The following SYNE1 variants were observed in gnomAD, a reference collection of about 807,000 sequenced individuals.
The protein encoded by SYNE1 is nesprin-1.
SYNE1 carries 616 observed loss-of-function variants against 1,111.0 expected under a neutral mutation model. The ratio of observed to expected loss-of-function variants is 0.55; its 90% CI spans 0.52 to 0.59. SYNE1 has a LOEUF of 0.59. Among genes scored for constraint, SYNE1 ranks in the 20% least tolerant of loss-of-function variants. SYNE1 has a pLI of 0.00. For synonymous variants in SYNE1, 3,855 were observed against 3,825.8 expected (o/e 1.01, Z -0.28); for missense variants, 10,006 against 10,417.0 (o/e 0.96, Z 1.72).
At position 152,354,868 on chromosome 6, in the gene SYNE1, C is replaced by T. The variant is rs2096806248; in HGVS notation, c.10717G>A (p.Glu3573Lys). The T allele has an allele frequency of 4.3e-6, 7 of 1,614,194 alleles. No individual in the cohort carries two copies. Among genetic ancestry groups the T allele is most frequent in the Non-Finnish European group, 5.1e-6 (6 of 1,180,046 alleles). ...GIPQAEDRAL[E>K]SLRQDWQAYQ... ...GCCTGCCAGTCTTGCCGGAGAGACT[C>T]TAAAGCCCGGTCCTCTGCCTGTGGG... Residue 3573 changes from glutamate (E) to lysine (K), a missense_variant, in exon 67 of 146, where the codon GAG becomes AAG. Around this residue, in one of 7 missense-constraint regions of SYNE1, gnomAD observed 4,955 missense variants for 5,017.2 expected, o/e 0.99. Transcript: ENST00000367255.
rs917031071 is a variant in SYNE1 at position 152,538,701 on chromosome 6, C to G, written c.129+1259G>C. On this transcript the variant is annotated intron_variant, in intron 4 of 145. Coordinates refer to ENST00000367255, the MANE Select transcript of SYNE1 (RefSeq NM_182961.4). ...ACAAATAGCTGCCAGATGGGACCAA[C>G]GGAAGCTTTAAAAAATAAGCCCCAA... 3.3e-5 allele frequency among the ~76,000 whole-genome samples: 5 copies of G among 151,574 alleles called. No individual in the cohort carries two copies. In the East Asian group the frequency reaches 7.8e-4, roughly 24 times the overall value.
intron 10 of SYNE1, 32 bp downstream of exon 10, chr6:152,502,601 A>G (rs1270781953): frequency 6.8e-7 from 1 of 1,479,018 alleles, no homozygotes; most frequent in African/African-American, 1.4e-5. Flanking sequence ...CATTGCATAT[A>G]CCAGTGATAC....
At chr6:152,237,428 T>C (rs573362798) in intron 108 of SYNE1, among the ~76,000 whole-genome samples, 1 of 149,758 alleles carries the variant, frequency 6.7e-6, no homozygotes, top group African/African-American at 2.5e-5. Flanking sequence ...TCCTGCTTCA[T>C]CCTCCCAAGT....
rs2059952054 is a variant in SYNE1, at chr6:152,148,869, A to G, written c.24643-491T>C. Among the ~76,000 whole-genome samples, 1 of 152,184 alleles carries G rather than the reference A, an allele frequency of 6.6e-6. No individual in the cohort carries two copies. The highest frequency in any genetic ancestry group is 1.5e-5 in the Non-Finnish European group (1 of 68,022). ...ACCTACACACTGGCAAGGATCGGAA[A>G]TAAGAGCAAATTACTAAGACCTTAG... is the stretch of plus-strand genomic sequence containing the variant. On this transcript the variant is annotated intron_variant, in intron 136 of 145. Coordinates refer to ENST00000367255, the MANE Select transcript of SYNE1 (RefSeq NM_182961.4). This position sits in a 1 kb window ranked among gnomAD's most constrained non-coding sequence, Gnocchi z 4.1.
chr6:152,339,048 C>G (rs1207234520), intron 75 of SYNE1, among the ~76,000 whole-genome samples, 193 bp downstream of exon 75: 2 of 152,160 alleles, frequency 1.3e-5, no homozygotes, highest in African/African-American at 4.8e-5. Flanking sequence ...AATCTGATGT[C>G]ATCAATGTCA....
In SYNE1 at chr6:152,353,091, G is replaced by A. The variant is rs144628762; in HGVS notation, c.11253+172C>T. On this transcript the variant is annotated intron_variant, in intron 69 of 145. Coordinates refer to ENST00000367255, the MANE Select transcript of SYNE1 (RefSeq NM_182961.4). ...AACAACACATCATCAATAAGTGAAA[G>A]CTAGCTTTTGGCCTTAAGGAGCCAA... Among the ~76,000 whole-genome samples the A allele has an allele frequency of 2.0e-3, 303 of 152,322 alleles. 2 individuals carry two copies. Among genetic ancestry groups the A allele is most frequent in the African/African-American group, 6.7e-3 (279 of 41,576 alleles).
At position 152,278,206 on chromosome 6, in the gene SYNE1, C is replaced by A; in HGVS notation, c.18456G>T (p.Leu6152=). ...ELSVHNENLL[L]EGKAHTKDEA... Reference sequence around the variant, plus strand: ...CGTCCTTGGTGTGAGCTTTGCCCTCCAGCAGCAGGTTCTCATTGTGGACTG... The same window carrying A: ...CGTCCTTGGTGTGAGCTTTGCCCTCAAGCAGCAGGTTCTCATTGTGGACTG... Residue 6152 remains leucine (L), a synonymous_variant, in exon 98 of 146, where the codon CTG becomes CTT. Coordinates refer to ENST00000367255, the MANE Select transcript of SYNE1 (RefSeq NM_182961.4). 6.2e-7 allele frequency: 1 copy of A among 1,614,196 alleles called. No individual in the cohort carries two copies. The highest frequency in any genetic ancestry group is 8.5e-7 in the Non-Finnish European group (1 of 1,180,046).
intron 127 of SYNE1, among the ~76,000 whole-genome samples, chr6:152,191,845 T>C (rs1024581866): frequency 6.6e-6 from 1 of 151,742 alleles, no homozygotes; most frequent in African/African-American, 2.4e-5. Flanking sequence ...AGGTTATTTA[T>C]TTGAAGTTTT....
intron 122 of SYNE1, among the ~76,000 whole-genome samples, chr6:152,214,188 C>T (rs1215819850): frequency 7.2e-6 from 1 of 138,242 alleles, no homozygotes; most frequent in African/African-American, 2.7e-5. Context: ...AATGAAACTC[C>T]GTCTCAAAAA....
chr6:152,178,268 C>T (rs1004522796), intron 129 of SYNE1, among the ~76,000 whole-genome samples: 1 of 151,936 alleles, frequency 6.6e-6, no homozygotes, highest in Non-Finnish European at 1.5e-5. Flanking sequence ...AGAATAGAGA[C>T]AAACTTAATC....
At chr6:152,156,181 C>A in intron 131 of SYNE1, 84 bp from the exon 132 acceptor site, 1 of 1,375,620 alleles carries the variant, frequency 7.3e-7, no homozygotes, top group Non-Finnish European at 1.0e-6. Context: ...TGGTAAATGG[C>A]TAGGCTACAC....
intron 130 of SYNE1, among the ~76,000 whole-genome samples, chr6:152,171,079 A>T (rs568562248): frequency 2.6e-5 from 4 of 152,354 alleles, no homozygotes; most frequent in East Asian, 3.9e-4. Flanking sequence ...TGGAACTGTG[A>T]GTCCATTAAA....
chr6:152,276,130 G>A (rs370557911), intron 98 of SYNE1, among the ~76,000 whole-genome samples: 3 of 148,460 alleles, frequency 2.0e-5, no homozygotes, highest in African/African-American at 7.5e-5. Flanking sequence ...TGCCTCCCAG[G>A]TTCAAGCAGT....
intron 128 of SYNE1, 36 bp downstream of exon 128, chr6:152,189,216 T>C (rs896890683): frequency 1.2e-6 from 2 of 1,610,558 alleles, no homozygotes; most frequent in Non-Finnish European, 1.7e-6. Flanking sequence ...CAATTTTCCA[T>C]CATCAAGATA....
chr6:152,513,733 G>C, intron 6 of SYNE1, among the ~76,000 whole-genome samples: 1 of 152,020 alleles, frequency 6.6e-6, no homozygotes, highest in East Asian at 1.9e-4. Flanking sequence ...CTATCCATCT[G>C]ACAGAGGGCT....
At chr6:152,479,743 A>G (rs1180016352) in intron 14 of SYNE1, among the ~76,000 whole-genome samples, 2 of 152,236 alleles carry the variant, frequency 1.3e-5, no homozygotes, top group African/African-American at 4.8e-5. Context: ...ACTGGAAAAT[A>G]GAAAAGATAA....
In SYNE1 at chr6:152,425,739, C is replaced by A. The variant is rs1214166099; in HGVS notation, c.5101-192G>T. On this transcript the variant is annotated intron_variant, in intron 38 of 145. Coordinates refer to ENST00000367255, the MANE Select transcript of SYNE1 (RefSeq NM_182961.4). The stretch of plus-strand genomic sequence containing the variant: ...AACCTTTTAAAGGAATTTGGTTCAT[C>A]CACTTAACCTTTAGGGGAATTTGGT... Among the ~76,000 whole-genome samples the A allele has an allele frequency of 2.6e-5, 4 of 152,130 alleles. No homozygotes were observed. In the East Asian group the frequency reaches 7.7e-4, roughly 29 times the overall value.
chr6:152,445,319 A>G (rs2098572843), intron 29 of SYNE1, among the ~76,000 whole-genome samples: 1 of 152,140 alleles, frequency 6.6e-6, no homozygotes, highest in African/African-American at 2.4e-5. Context: ...ATATTCCTAC[A>G]TAAAAATAAA....
intron 52 of SYNE1, among the ~76,000 whole-genome samples, chr6:152,391,020 A>G (rs1339956075): frequency 1.3e-5 from 2 of 152,364 alleles, no homozygotes; most frequent in East Asian, 3.9e-4. Context: ...TGCTTGGAGC[A>G]GAGTAGATAT....
Sources: gnomAD v4.1 joint callset for allele counts (sites outside exome capture counted in the v4.1 genomes callset) on GRCh38, gnomAD v4.1.1 for gene constraint, gnomAD v4.1.1 regional missense constraint, Gnocchi (gnomAD v3.1) non-coding constraint, MANE v1.5 for transcripts, NCBI Gene and HGNC (gene_info 2026-07-23, HGNC 2026-07-21) for gene names.